IL1RAPL2: variants seen among roughly 807,000 people sequenced by gnomAD.
IL1RAPL2 encodes interleukin 1 receptor accessory protein like 2.
IL1RAPL2 carries 3 observed loss-of-function variants against 44.1 expected under a neutral mutation model. The observed-to-expected ratio is 0.07, with a 90% CI of 0.03 to 0.18. IL1RAPL2 has a LOEUF of 0.18. Ranked by LOEUF, IL1RAPL2 falls within the 10% of genes least tolerant of loss-of-function variation. IL1RAPL2 has a pLI of 1.00. For missense variants in IL1RAPL2, 391 were observed against 496.4 expected, an observed-to-expected ratio of 0.79 and a Z score of 2.02; for synonymous variants, 181 against 178.8, an observed-to-expected ratio of 1.01 and a Z score of -0.10.
chrX:105,690,724 C>A (rs1056379883), intron 6 of IL1RAPL2, among the ~76,000 whole-genome samples: 6 of 111,996 alleles, frequency 5.4e-5, no homozygotes, highest in African/African-American at 1.6e-4. Context: ...ATTCTAATTA[C>A]ATAAGAATTT....
At chrX:104,694,031 T>C (rs983119567) in intron 2 of IL1RAPL2, among the ~76,000 whole-genome samples, 2 of 112,028 alleles carry the variant, frequency 1.8e-5, no homozygotes, top group Admixed American at 1.9e-4. Flanking sequence ...ATAGCAAATA[T>C]ATTTGCATTT....
At chrX:104,926,180 G>A (rs6621881) in intron 2 of IL1RAPL2, among the ~76,000 whole-genome samples, 34,500 of 110,731 alleles carry the variant, frequency 0.31, 4,473 homozygotes, top group South Asian at 0.56. Flanking sequence ...TCACTACCCT[G>A]ATAGAAATCT....
chrX:105,506,579 G>A (rs1474939271), intron 6 of IL1RAPL2, among the ~76,000 whole-genome samples: 4 of 111,558 alleles, frequency 3.6e-5, no homozygotes, highest in African/African-American at 1.3e-4. Flanking sequence ...ACTGCATTCT[G>A]TTGGTAAAAG....
intron 2 of IL1RAPL2, among the ~76,000 whole-genome samples, chrX:105,191,089 C>A (rs782788212): frequency 8.9e-6 from 1 of 112,718 alleles, no homozygotes; most frequent in African/African-American, 3.2e-5. Context: ...GTCAAACTCC[C>A]TAAACATACA....
At chrX:105,079,151 G>A (rs941938185) in intron 2 of IL1RAPL2, among the ~76,000 whole-genome samples, 5 of 111,581 alleles carry the variant, frequency 4.5e-5, no homozygotes, top group African/African-American at 9.8e-5. Context: ...ACTGGAGCTC[G>A]CCAAATTTTC....
intron 2 of IL1RAPL2, among the ~76,000 whole-genome samples, chrX:105,123,480 A>G (rs983304343): frequency 1.5e-4 from 17 of 110,469 alleles, no homozygotes; most frequent in Admixed American, 5.8e-4. Context: ...GCCACAAATC[A>G]CAAGCAGTTG....
chrX:104,956,142 G>T (rs1925704785), intron 2 of IL1RAPL2, among the ~76,000 whole-genome samples: 1 of 112,085 alleles, frequency 8.9e-6, no homozygotes, highest in South Asian at 3.7e-4. Flanking sequence ...CAGCTAAAGG[G>T]TGTAGAGGAG....
rs187417911 is a variant in IL1RAPL2 at position 105,489,313 on chromosome X, G to A, written c.772+4926G>A. Among the ~76,000 whole-genome samples, 23 of 107,821 alleles carry A rather than the reference G, an allele frequency of 2.1e-4. No individual in the cohort carries two copies. The South Asian group carries it at 2.4e-3, about 11-fold the overall frequency. 93.6% of individuals were successfully genotyped at this position (107,821 alleles called of 115,157 possible). A position where few individuals can be genotyped will look rare whatever the true frequency, so the allele number is the denominator to read the frequency against. The stretch of plus-strand genomic sequence containing the variant: ...AGGGCCAATTCTTTTCTCAGCAGTT[G>A]AAAAAAAAATATTTTCAATAATTTT... On this transcript the variant is annotated intron_variant, in intron 6 of 10. Coordinates refer to ENST00000372582, the MANE Select transcript of IL1RAPL2 (RefSeq NM_017416.2).
intron 2 of IL1RAPL2, among the ~76,000 whole-genome samples, chrX:105,032,675 T>C (rs1282086075): frequency 9.0e-6 from 1 of 111,474 alleles, no homozygotes; most frequent in African/African-American, 3.3e-5. Flanking sequence ...ATAGGTGTGG[T>C]GTGGTGCTGA....
intron 2 of IL1RAPL2, among the ~76,000 whole-genome samples, chrX:104,917,661 C>T (rs1279535226): frequency 1.8e-5 from 2 of 111,812 alleles, no homozygotes; most frequent in Non-Finnish European, 3.8e-5. Flanking sequence ...GGTAGAAATG[C>T]CTAATTGCCC....
chrX:105,752,888 C>A, intron 9 of IL1RAPL2: 1 of 326,693 alleles, frequency 3.1e-6, no homozygotes, highest in Non-Finnish European at 6.0e-6. Context: ...TGGCCAGCCA[C>A]CATAAGCTCT....
At chrX:105,458,811 G>T (rs2036074176) in intron 5 of IL1RAPL2, among the ~76,000 whole-genome samples, 1 of 111,734 alleles carries the variant, frequency 8.9e-6, no homozygotes, top group South Asian at 3.7e-4. Context: ...CATGCCCTGA[G>T]AATGTAGCTT....
chrX:105,638,266 TTTTTTTC>T (rs2037539334), intron 6 of IL1RAPL2, among the ~76,000 whole-genome samples: 1 of 111,580 alleles, frequency 9.0e-6, no homozygotes, highest in African/African-American at 3.3e-5. Context: ...TTCTTTTCTT[TTTTTTTC>T]TTTTTTCTTT....
At chrX:105,163,512 G>T (rs1382432758) in intron 2 of IL1RAPL2, among the ~76,000 whole-genome samples, 2 of 112,014 alleles carry the variant, frequency 1.8e-5, no homozygotes, top group African/African-American at 3.2e-5. Context: ...AGTTTGGAAG[G>T]ATTTTATTTT....
intron 4 of IL1RAPL2, among the ~76,000 whole-genome samples, chrX:105,234,624 T>C (rs6621948): frequency 0.17 from 18,315 of 109,107 alleles, 3,124 homozygotes; most frequent in African/African-American, 0.52. Context: ...GCCTGGCCAA[T>C]ATGGTGAAAC....
intron 2 of IL1RAPL2, among the ~76,000 whole-genome samples, chrX:104,880,998 A>G (rs1239718022): frequency 8.9e-6 from 1 of 111,850 alleles, no homozygotes; most frequent in Non-Finnish European, 1.9e-5. Context: ...GTGGTAGTAT[A>G]GTTTAACAGC....
intron 1 of IL1RAPL2, among the ~76,000 whole-genome samples, chrX:104,644,721 T>A (rs1930001144): frequency 9.0e-6 from 1 of 111,187 alleles, no homozygotes; most frequent in Non-Finnish European, 1.9e-5. Context: ...ACCAGTAAAT[T>A]CAGTCTAATC....
chrX:104,850,279 T>G (rs1385911412), intron 2 of IL1RAPL2, among the ~76,000 whole-genome samples: 1 of 111,785 alleles, frequency 8.9e-6, no homozygotes, highest in African/African-American at 3.2e-5. Flanking sequence ...TGTTGACATT[T>G]TAACTAGGAC....
chrX:105,131,514 C>T (rs1319984213), intron 2 of IL1RAPL2, among the ~76,000 whole-genome samples: 1 of 109,349 alleles, frequency 9.1e-6, no homozygotes, highest in African/African-American at 3.3e-5. Flanking sequence ...TTTTAAAAAC[C>T]ATTTCAACCT....
Sources: gnomAD v4.1 joint callset for allele counts (sites outside exome capture counted in the v4.1 genomes callset) on GRCh38, gnomAD v4.1.1 for gene constraint, MANE v1.5 for transcripts, NCBI Gene and HGNC (gene_info 2026-07-23, HGNC 2026-07-21) for gene names.